The following NME8 variants were observed in gnomAD, a reference collection of about 807,000 sequenced individuals.
NME8 encodes the protein NME/NM23 family member 8.
NME8 carries 72 observed loss-of-function variants against 82.3 expected under a neutral mutation model. The ratio of observed to expected loss-of-function variants is 0.87; its 90% CI spans 0.72 to 1.06. The LOEUF (loss-of-function observed/expected upper bound fraction) is 1.06. NME8 is among the 50% of genes least tolerant of loss of function. The pLI is 0.00. For synonymous variants in NME8, 267 were observed against 228.5 expected (o/e 1.17, Z -1.52); for missense variants, 712 against 685.4 (o/e 1.04, Z -0.43).
At chr7:37,872,361 C>A (rs1033714723) in intron 11 of NME8, among the ~76,000 whole-genome samples, 3 of 152,026 alleles carry the variant, frequency 2.0e-5, no homozygotes, top group Non-Finnish European at 1.5e-5. Context: ...CCCCAGTGAG[C>A]CATCAAGGAA....
intron 11 of NME8, among the ~76,000 whole-genome samples, chr7:37,870,983 A>T (rs1376162744): frequency 2.0e-5 from 3 of 151,896 alleles, no homozygotes; most frequent in Non-Finnish European, 4.4e-5. Flanking sequence ...AGGACAAAAA[A>T]CTCTCATGCG....
chr7:37,874,346 G>T (rs1784816281), intron 11 of NME8, among the ~76,000 whole-genome samples: 1 of 152,118 alleles, frequency 6.6e-6, no homozygotes, highest in African/African-American at 2.4e-5. Flanking sequence ...GGTGTATGTG[G>T]CAAAATGGTT....
At chr7:37,893,345 T>G (rs1785163589) in intron 15 of NME8, among the ~76,000 whole-genome samples, 1 of 152,156 alleles carries the variant, frequency 6.6e-6, no homozygotes, top group Admixed American at 6.6e-5. Flanking sequence ...GAAATTATCG[T>G]TTTAGAGCAC....
At chr7:37,860,574 T>C (rs1006932329) in intron 6 of NME8, among the ~76,000 whole-genome samples, 1 of 152,220 alleles carries the variant, frequency 6.6e-6, no homozygotes, top group Non-Finnish European at 1.5e-5. Context: ...TTCACCCTTC[T>C]TTATTCCACG....
intron 16 of NME8, among the ~76,000 whole-genome samples, chr7:37,895,753 A>G (rs1173864619): frequency 1.3e-5 from 2 of 152,214 alleles, no homozygotes; most frequent in African/African-American, 4.8e-5. Context: ...CATCGTGATC[A>G]TTGTAATGCA....
chr7:37,853,854 C>G (rs1784471841), intron 5 of NME8, among the ~76,000 whole-genome samples: 1 of 151,288 alleles, frequency 6.6e-6, no homozygotes, highest in Admixed American at 6.6e-5. Context: ...AAAAGAGGAA[C>G]ATTAAATATT....
chr7:37,874,058 A>G (rs1380059532), intron 11 of NME8, among the ~76,000 whole-genome samples: 3 of 152,228 alleles, frequency 2.0e-5, no homozygotes, highest in Non-Finnish European at 2.9e-5. Flanking sequence ...TACCTGGTAG[A>G]GCAAATGAAG....
chr7:37,882,633 AAGAAAGAAAG>A (rs1297077731), intron 12 of NME8, among the ~76,000 whole-genome samples: 1,688 of 139,008 alleles, frequency 0.012, 47 homozygotes, highest in East Asian at 0.036. Context: ...GAAAGAAAGA[AAGAAAGAAAG>A]AGAAAGAAAG....
At chr7:37,854,994 A>T (rs990651608) in intron 5 of NME8, among the ~76,000 whole-genome samples, 1 of 152,178 alleles carries the variant, frequency 6.6e-6, no homozygotes, top group Non-Finnish European at 1.5e-5. Context: ...CAATTCTCCC[A>T]GACTTTAATG....
intron 15 of NME8, among the ~76,000 whole-genome samples, chr7:37,894,050 T>C (rs1785177542): frequency 6.6e-6 from 1 of 152,220 alleles, no homozygotes; most frequent in African/African-American, 2.4e-5. Flanking sequence ...CAACATTTGC[T>C]TTGTTTAATT....
chr7:37,873,237 A>G (rs1246384186), intron 11 of NME8, among the ~76,000 whole-genome samples: 1 of 151,830 alleles, frequency 6.6e-6, no homozygotes, highest in East Asian at 1.9e-4. Context: ...GCCCATGCCT[A>G]TAGTCCCAGC....
At chr7:37,875,439 C>T (rs1784833189) in intron 11 of NME8, among the ~76,000 whole-genome samples, 1 of 149,536 alleles carries the variant, frequency 6.7e-6, no homozygotes, top group South Asian at 2.2e-4. Flanking sequence ...CCCCCATAGC[C>T]CCCACACACA....
chr7:37,862,313 C>G (rs1184530514), intron 7 of NME8, among the ~76,000 whole-genome samples, 169 bp downstream of exon 7: 3 of 152,050 alleles, frequency 2.0e-5, no homozygotes, highest in African/African-American at 7.2e-5. Flanking sequence ...AGTTGTTTAA[C>G]CTAATTTTGT....
At position 37,850,698 on chromosome 7, in the gene NME8, A is replaced by ATC. The variant is rs753041716; in HGVS notation, c.162_163insCT (p.Glu55LeufsTer3). The ATC allele has an allele frequency of 6.2e-7, 1 of 1,613,884 alleles. No individual in the cohort carries two copies. Among genetic ancestry groups the ATC allele is most frequent in the South Asian group, 1.1e-5 (1 of 91,086 alleles). On this transcript the variant is annotated frameshift_variant, in exon 5 of 18. Transcript: ENST00000199447. LOFTEE classifies it high-confidence loss of function. ...CAACCTTTATTCAGAAAATTGAAAAATGAACTGAACGAAGACGAAATTCTG... is the reference window on the plus strand; with the variant it reads ...CAACCTTTATTCAGAAAATTGAAAAATCTGAACTGAACGAAGACGAAATTCTG...
Position 37,865,539 on chromosome 7 carries a change from A to G in NME8, c.543A>G (p.Gly181=), listed in dbSNP as rs748727730. ...LEIKRKITKA[G]FIIEAEHKTV... is the part of the protein sequence containing the mutation. ...TCTAATTGAAGATTACCAAAGCTGG[A>G]TTTATTATAGAAGCAGAGCATAAGA... is the stretch of plus-strand genomic sequence containing the variant. The change falls in exon 10 of 18, where the codon GGA becomes GGG. Residue 181 remains glycine, a synonymous_variant. Transcript: ENST00000199447. The G allele has an allele frequency of 1.9e-6, 3 of 1,612,282 alleles. No individual in the cohort carries two copies. The highest frequency in any genetic ancestry group is 3.3e-5 in the Admixed American group (2 of 59,994).
intron 16 of NME8, 178 bp from the exon 17 acceptor site, chr7:37,896,692 C>A: frequency 1.6e-6 from 1 of 626,186 alleles, no homozygotes; most frequent in Non-Finnish European, 2.8e-6. Context: ...ACCCACCTAG[C>A]ATATAAACCT....
rs189520611 is a variant in NME8 at position 37,860,176 on chromosome 7, C to A, written c.271-1852C>A. 7.8e-4 allele frequency among the ~76,000 whole-genome samples: 119 copies of A among 152,320 alleles called. 2 individuals are homozygous for A. Among genetic ancestry groups the A allele is most frequent in the Admixed American group, 7.7e-3 (118 of 15,288 alleles). ...CATTGGCTTTTGAATATGATTAAGTCTTTTCAATTTAAAAAATATATAATA... is the reference window on the plus strand; with the variant it reads ...CATTGGCTTTTGAATATGATTAAGTATTTTCAATTTAAAAAATATATAATA... On this transcript the variant is annotated intron_variant, in intron 6 of 17. Transcript: ENST00000199447.
chr7:37,876,445 T>C (rs983994210), intron 11 of NME8, among the ~76,000 whole-genome samples: 2 of 152,106 alleles, frequency 1.3e-5, no homozygotes, highest in Non-Finnish European at 2.9e-5. Context: ...AAATGTTCAT[T>C]TGAAAATATG....
chr7:37,880,120 G>A (rs1332976910), intron 12 of NME8, among the ~76,000 whole-genome samples: 1 of 151,848 alleles, frequency 6.6e-6, no homozygotes, highest in Non-Finnish European at 1.5e-5. Flanking sequence ...CTTTTATCAT[G>A]TATGTGGTTT....
Sources: gnomAD v4.1 joint callset for allele counts (sites outside exome capture counted in the v4.1 genomes callset) on GRCh38, gnomAD v4.1.1 for gene constraint, MANE v1.5 for transcripts, NCBI Gene and HGNC (gene_info 2026-07-23, HGNC 2026-07-21) for gene names.